Variants in ZFPM2 observed in about 807,000 individuals in gnomAD.
ZFPM2 encodes the protein zinc finger protein ZFPM2.
A neutral mutation model predicts 98.6 loss-of-function variants in ZFPM2; 20 were observed. The ratio of observed to expected loss-of-function variants is 0.20; its 90% CI spans 0.14 to 0.29. ZFPM2 has a LOEUF of 0.29. Among genes scored for constraint, ZFPM2 ranks in the 10% least tolerant of loss-of-function variants. ZFPM2 has a pLI of 1.00. For missense variants in ZFPM2, 1,310 were observed against 1,388.6 expected, an observed-to-expected ratio of 0.94 and a Z score of 0.90; for synonymous variants, 518 against 502.7, an observed-to-expected ratio of 1.03 and a Z score of -0.41.
At chr8:105,658,065 A>G (rs562797825) in intron 5 of ZFPM2, among the ~76,000 whole-genome samples, 14 of 151,836 alleles carry the variant, frequency 9.2e-5, no homozygotes, top group Non-Finnish European at 1.6e-4. Context: ...CCCTTTTCCT[A>G]TTGGCGAATA....
chr8:105,709,109 T>A (rs893009380), intron 5 of ZFPM2, among the ~76,000 whole-genome samples: 16 of 152,278 alleles, frequency 1.1e-4, no homozygotes, highest in East Asian at 7.7e-4. Context: ...GGCTCTCTGA[T>A]GTGCCTTTTG....
intron 5 of ZFPM2, among the ~76,000 whole-genome samples, chr8:105,673,814 T>G (rs900199948): frequency 1.3e-5 from 2 of 152,182 alleles, no homozygotes; most frequent in African/African-American, 4.8e-5. Context: ...GTATGACAAC[T>G]GTTGTGTCAG....
At chr8:105,743,844 C>G (rs1391089964) in intron 5 of ZFPM2, among the ~76,000 whole-genome samples, 1 of 152,076 alleles carries the variant, frequency 6.6e-6, no homozygotes, top group Non-Finnish European at 1.5e-5. Flanking sequence ...TACAAGAATG[C>G]ATTTTCTTCC....
At chr8:105,422,077 G>A (rs1403529342) in intron 2 of ZFPM2, among the ~76,000 whole-genome samples, 11 of 145,706 alleles carry the variant, frequency 7.5e-5, no homozygotes, top group Admixed American at 7.5e-4. Context: ...AAAGGTAGAA[G>A]TATTTAAATG....
intron 5 of ZFPM2, among the ~76,000 whole-genome samples, chr8:105,740,702 A>G (rs1812194364): frequency 6.6e-6 from 1 of 151,642 alleles, no homozygotes; most frequent in African/African-American, 2.4e-5. Context: ...GAAAATTCTT[A>G]CTATGTTTTA....
At chr8:105,525,814 C>A (rs1490836766) in intron 3 of ZFPM2, among the ~76,000 whole-genome samples, 1 of 152,112 alleles carries the variant, frequency 6.6e-6, no homozygotes, top group Non-Finnish European at 1.5e-5. Flanking sequence ...AAGATAGCTA[C>A]CCTAATAATA....
At chr8:105,581,211 C>A (rs1815589896) in intron 4 of ZFPM2, among the ~76,000 whole-genome samples, 1 of 151,762 alleles carries the variant, frequency 6.6e-6, no homozygotes, top group Admixed American at 6.6e-5. Flanking sequence ...ATCCTAAAGT[C>A]ATCTTGACTT....
Position 105,802,338 on chromosome 8 carries a change from G to T in ZFPM2, c.2256G>T (p.Arg752Ser), listed in dbSNP as rs543450487. ...YEMCLPEQEQ[R>S]PPLVQQRFLD... ...TGTGCCTACCTGAGCAGGAACAAAG[G>T]CCTCCACTGGTTCAGCAGAGATTTC... Residue 752 changes from arginine to serine, a missense_variant, in exon 8 of 8, where the codon AGG becomes AGT. Physicochemically the swap from Arg to Ser is moderately radical, Grantham distance 110 (BLOSUM62 -1). Transcript: ENST00000407775. The T allele has an allele frequency of 1.9e-6, 3 of 1,613,758 alleles. No individual in the cohort carries two copies. In the Admixed American group the frequency reaches 5.0e-5, roughly 27 times the overall value.
At chr8:105,339,400 C>G (rs2129654554) in intron 1 of ZFPM2, among the ~76,000 whole-genome samples, 1 of 151,948 alleles carries the variant, frequency 6.6e-6, no homozygotes, top group East Asian at 1.9e-4. Context: ...CACATACATT[C>G]CAATAGCAGC....
intron 3 of ZFPM2, among the ~76,000 whole-genome samples, chr8:105,509,831 TA>T: frequency 6.6e-6 from 1 of 152,322 alleles, no homozygotes; most frequent in Non-Finnish European, 1.5e-5. Flanking sequence ...ACTGCTAAAA[TA>T]AAGTTAATGC....
intron 5 of ZFPM2, among the ~76,000 whole-genome samples, chr8:105,700,697 GT>G (rs1258346729): frequency 9.2e-5 from 14 of 152,124 alleles, no homozygotes; most frequent in Admixed American, 3.3e-4. Flanking sequence ...ACGGGTTCAT[GT>G]GATTCTCCTG....
intron 1 of ZFPM2, among the ~76,000 whole-genome samples, chr8:105,413,454 G>A (rs1406558175): frequency 6.8e-6 from 1 of 146,046 alleles, no homozygotes; most frequent in African/African-American, 2.5e-5. Context: ...GACAAATGTG[G>A]CTCGATTATG....
Position 105,640,734 on chromosome 8 carries a change from A to G in ZFPM2, c.532+6377A>G, listed in dbSNP as rs143552389. Among the ~76,000 whole-genome samples, 629 of 152,204 alleles carry G rather than the reference A, an allele frequency of 4.1e-3. 4 individuals are homozygous for G. The highest frequency in any genetic ancestry group is 0.014 in the African/African-American group (584 of 41,572). ...AATAGATAATCTGTTGCATGTTACT[A>G]GAATTTTCAAACAATAGCTTTGTCT... is the stretch of plus-strand genomic sequence containing the variant. On this transcript the variant is annotated intron_variant, in intron 5 of 7. Transcript: ENST00000407775.
At chr8:105,542,238 T>C (rs566259974) in intron 3 of ZFPM2, among the ~76,000 whole-genome samples, 145 of 152,262 alleles carry the variant, frequency 9.5e-4, no homozygotes, top group African/African-American at 3.2e-3. Context: ...GTCTTGTTAA[T>C]TTTTAGTTCT....
chr8:105,712,193 G>C (rs1488148778), intron 5 of ZFPM2, among the ~76,000 whole-genome samples: 1 of 151,104 alleles, frequency 6.6e-6, no homozygotes, highest in African/African-American at 2.4e-5. Context: ...TGGAGAAAGA[G>C]AGGAGAAGAA....
rs72295223 is a variant in ZFPM2 at position 105,443,318 on chromosome 8, AC to A, written c.200-961del. On this transcript the variant is annotated intron_variant, in intron 2 of 7. Transcript: ENST00000407775. The stretch of plus-strand genomic sequence containing the variant: ...AGCGAGTAAGACTCCTTCTCAAAAA[AC>A]AAAAAACAAAAAAAAAAAAACTTGG... Among the ~76,000 whole-genome samples, 408 of 144,018 alleles carry A rather than the reference AC, an allele frequency of 2.8e-3. 20 individuals are homozygous for A. Among genetic ancestry groups the A allele is most frequent in the Middle Eastern group, 0.024 (7 of 288 alleles). The allele number at this position is 144,018 out of a possible 152,430, so 94.5% of individuals were successfully genotyped here. A position where few individuals can be genotyped will look rare whatever the true frequency, so the allele number is the denominator to read the frequency against.
At chr8:105,508,863 T>A (rs10094054) in intron 3 of ZFPM2, among the ~76,000 whole-genome samples, 42,180 of 149,268 alleles carry the variant, frequency 0.28, 6,221 homozygotes, top group African/African-American at 0.36. Flanking sequence ...AAAAAAAAAT[T>A]TTTTTTTTAA....
chr8:105,511,872 G>A (rs1240049565), intron 3 of ZFPM2, among the ~76,000 whole-genome samples: 3 of 152,086 alleles, frequency 2.0e-5, no homozygotes, highest in Non-Finnish European at 2.9e-5. Flanking sequence ...CAGGTCAGAC[G>A]GGGTGGTTCG....
intron 1 of ZFPM2, among the ~76,000 whole-genome samples, chr8:105,386,940 A>T (rs1203646088): frequency 6.6e-6 from 1 of 152,054 alleles, no homozygotes; most frequent in Non-Finnish European, 1.5e-5. Flanking sequence ...GTAGATACAG[A>T]GTGTTGATTG....
Sources: allele counts gnomAD v4.1 joint callset (sites outside exome capture counted in the v4.1 genomes callset), GRCh38; gene constraint gnomAD v4.1.1; transcripts MANE v1.5; gene names NCBI Gene and HGNC (gene_info 2026-07-23, HGNC 2026-07-21).